Variants in OPCML observed in about 807,000 individuals in gnomAD.
OPCML encodes the protein opioid-binding protein/cell adhesion molecule.
OPCML carries 13 observed loss-of-function variants against 37.8 expected under a neutral mutation model. That is an observed-to-expected ratio of 0.34 (90% CI 0.22 to 0.55). The LOEUF (loss-of-function observed/expected upper bound fraction) is 0.55, where lower values mean the gene tolerates loss of function less well. Among genes scored for constraint, OPCML ranks in the 20% least tolerant of loss-of-function variants. The pLI is 0.91. For synonymous variants in OPCML, 176 were observed against 168.8 expected (o/e 1.04, Z -0.33); for missense variants, 341 against 435.6 (o/e 0.78, Z 1.93).
At chr11:133,132,706 G>T (rs1408569930) in intron 1 of OPCML, among the ~76,000 whole-genome samples, 2 of 152,210 alleles carry the variant, frequency 1.3e-5, no homozygotes, top group African/African-American at 4.8e-5. Context: ...ACACACATTT[G>T]GCTGAATCTC....
At position 132,521,230 on chromosome 11, in the gene OPCML, T is replaced by G. The variant is rs73035334; in HGVS notation, c.505+7831A>C. 7.1e-3 allele frequency among the ~76,000 whole-genome samples: 1,082 copies of G among 152,298 alleles called. 6 individuals are homozygous for G. Among genetic ancestry groups the G allele is most frequent in the Non-Finnish European group, 0.011 (737 of 68,018 alleles). On this transcript the variant is annotated intron_variant, in intron 4 of 7. Coordinates refer to ENST00000524381, the MANE Select transcript of OPCML (RefSeq NM_001012393.5). ...TGCCCACTTTTTGATAGGACTGTTT[T>G]TTTATCTTGTAAATTTCTTTAAGTT...
chr11:132,895,880 G>A (rs1213006758), intron 2 of OPCML, among the ~76,000 whole-genome samples: 1 of 152,064 alleles, frequency 6.6e-6, no homozygotes, highest in Non-Finnish European at 1.5e-5. Context: ...GAGGTTCAAA[G>A]TGTGATTCAG....
chr11:132,871,149 C>T (rs1942779712), intron 2 of OPCML, among the ~76,000 whole-genome samples: 1 of 150,982 alleles, frequency 6.6e-6, no homozygotes, highest in South Asian at 2.1e-4. Flanking sequence ...TATTCCAAAA[C>T]AACATGTTGT....
intron 3 of OPCML, among the ~76,000 whole-genome samples, chr11:132,601,004 T>A (rs183757707): frequency 1.3e-5 from 2 of 152,176 alleles, no homozygotes; most frequent in East Asian, 3.9e-4. Flanking sequence ...ACAGTTAACA[T>A]TAATCAAATT....
At chr11:133,029,982 C>G (rs1369358397) in intron 1 of OPCML, among the ~76,000 whole-genome samples, 1 of 152,154 alleles carries the variant, frequency 6.6e-6, no homozygotes, top group Non-Finnish European at 1.5e-5. Context: ...TGGTCAAGGT[C>G]ACCATCATCT....
At position 133,008,547 on chromosome 11, in the gene OPCML, C is replaced by T. The variant is rs139313481; in HGVS notation, c.62-65537G>A. The T allele has an allele frequency of 6.6e-3, 3,710 of 562,044 alleles. 24 individuals are homozygous for T. The highest frequency in any genetic ancestry group is 8.0e-3 in the Non-Finnish European group (3,533 of 443,692). 34.8% of individuals were successfully genotyped at this position (562,044 alleles called of 1,614,324 possible). ...GTGGAAGGCTCCCAGCTGAGCCTCT[C>T]TCTGGGAACTGCCCTCAGTGGACAA... On this transcript the variant is annotated intron_variant, in intron 1 of 7. Coordinates refer to ENST00000524381, the MANE Select transcript of OPCML (RefSeq NM_001012393.5).
At chr11:133,502,877 AG>A (rs1947946934) in intron 1 of OPCML, among the ~76,000 whole-genome samples, 2 of 152,188 alleles carry the variant, frequency 1.3e-5, no homozygotes, top group Non-Finnish European at 2.9e-5. Flanking sequence ...GATGGGACTG[AG>A]GAGGGCCAGC....
chr11:132,813,792 G>T (rs1939478964), intron 2 of OPCML, among the ~76,000 whole-genome samples: 1 of 152,036 alleles, frequency 6.6e-6, no homozygotes, highest in Admixed American at 6.6e-5. Flanking sequence ...CATCTCAGCT[G>T]CTTCCCCCGG....
chr11:133,007,055 T>C, intron 1 of OPCML: 1 of 985,412 alleles, frequency 1.0e-6, no homozygotes, highest in South Asian at 4.7e-5. Context: ...AAAATCCTTT[T>C]CTTTCCAGAC....
intron 1 of OPCML, among the ~76,000 whole-genome samples, chr11:133,228,437 C>A (rs1362117890): frequency 6.6e-6 from 1 of 152,238 alleles, no homozygotes; most frequent in Non-Finnish European, 1.5e-5. Flanking sequence ...AATTCCAGTT[C>A]TTTCCGCTAT....
At chr11:133,181,383 G>A (rs1400393811) in intron 1 of OPCML, among the ~76,000 whole-genome samples, 1 of 151,942 alleles carries the variant, frequency 6.6e-6, no homozygotes, top group Non-Finnish European at 1.5e-5. Flanking sequence ...GGGGTGGACT[G>A]GGTAAAAGGG....
At chr11:132,420,347 G>T in intron 7 of OPCML, 54 bp from the exon 8 acceptor site, 1 of 1,598,366 alleles carries the variant, frequency 6.3e-7, no homozygotes, top group Non-Finnish European at 8.5e-7. Context: ...GGACACCATA[G>T]TTCTTCCCTG....
intron 3 of OPCML, among the ~76,000 whole-genome samples, chr11:132,590,882 C>T (rs896772471): frequency 2.0e-5 from 3 of 152,282 alleles, no homozygotes; most frequent in African/African-American, 7.2e-5. Flanking sequence ...TTGCCAAACA[C>T]TAAACACACT....
intron 1 of OPCML, among the ~76,000 whole-genome samples, chr11:133,463,119 C>CAAAAAAAAAAAA (rs558107695): frequency 2.0e-5 from 1 of 49,908 alleles, no homozygotes; most frequent in Non-Finnish European, 4.8e-5. Flanking sequence ...ACATCAGGCT[C>CAAAAAAAAAAAA]AAAAAAAAAA....
chr11:133,401,488 G>T (rs1448389636), intron 1 of OPCML, among the ~76,000 whole-genome samples: 3 of 152,042 alleles, frequency 2.0e-5, no homozygotes, highest in South Asian at 2.1e-4. Flanking sequence ...GGCATTGAGG[G>T]TTTGCATTTT....
intron 4 of OPCML, among the ~76,000 whole-genome samples, chr11:132,461,929 C>T (rs1188903420): frequency 1.3e-5 from 2 of 152,206 alleles, no homozygotes; most frequent in African/African-American, 4.8e-5. Flanking sequence ...AATTACCCTT[C>T]ACTGGGTCCC....
At chr11:133,391,377 C>T (rs1031298766) in intron 1 of OPCML, among the ~76,000 whole-genome samples, 1 of 152,158 alleles carries the variant, frequency 6.6e-6, no homozygotes, top group Non-Finnish European at 1.5e-5. Flanking sequence ...TCTTACTAAC[C>T]CGTGCAGACC....
chr11:132,724,141 A>G (rs192286503), intron 2 of OPCML, among the ~76,000 whole-genome samples: 15 of 152,258 alleles, frequency 9.9e-5, no homozygotes, highest in Admixed American at 3.3e-4. Context: ...TCCAGGTCAG[A>G]GCATGTCCAG....
intron 1 of OPCML, among the ~76,000 whole-genome samples, chr11:132,987,283 G>A (rs1184619769): frequency 1.3e-5 from 2 of 152,158 alleles, no homozygotes; most frequent in African/African-American, 4.8e-5. Context: ...ACCGGGGAAA[G>A]AATGACTTCT....
Sources: allele counts gnomAD v4.1 joint callset (sites outside exome capture counted in the v4.1 genomes callset), GRCh38; gene constraint gnomAD v4.1.1; transcripts MANE v1.5; gene names NCBI Gene and HGNC (gene_info 2026-07-23, HGNC 2026-07-21).